BEND4: variants seen among roughly 807,000 people sequenced by gnomAD.
BEND4 encodes the protein BEN domain containing 4.
Under a neutral mutation model 54.7 loss-of-function variants are expected in BEND4, and 27 were observed. That is an observed-to-expected ratio of 0.49 (90% CI 0.36 to 0.68). BEND4 has a LOEUF of 0.68. BEND4 is among the 30% of genes least tolerant of loss of function. The pLI is 0.00. For synonymous variants in BEND4, 327 were observed against 299.5 expected, an observed-to-expected ratio of 1.09 and a Z score of -0.95; for missense variants, 702 against 697.2, an observed-to-expected ratio of 1.01 and a Z score of -0.08.
At chr4:42,136,396 C>T (rs1360302059) in intron 3 of BEND4, among the ~76,000 whole-genome samples, 1 of 152,226 alleles carries the variant, frequency 6.6e-6, no homozygotes, top group Non-Finnish European at 1.5e-5. Flanking sequence ...GGTTAGTTCT[C>T]TAGTTTGTAG....
At chr4:42,142,926 T>C (rs1720940316) in intron 3 of BEND4, among the ~76,000 whole-genome samples, 1 of 152,176 alleles carries the variant, frequency 6.6e-6, no homozygotes, top group African/African-American at 2.4e-5. Context: ...GAAGAGACCA[T>C]TTCATTTGTT....
At chr4:42,149,884 G>A (rs993112474) in intron 2 of BEND4, among the ~76,000 whole-genome samples, 4 of 151,854 alleles carry the variant, frequency 2.6e-5, no homozygotes, top group East Asian at 1.9e-4. Flanking sequence ...TGAGAAGGGG[G>A]TAAATTTACA....
Position 42,117,576 on chromosome 4 carries a change from T to C in BEND4, c.1547A>G (p.His516Arg). The change falls in exon 6 of 6, where the codon CAC becomes CGC. Residue 516 changes from histidine to arginine, a missense_variant. His to Arg is a conservative substitution (Grantham distance 29, BLOSUM62 0). Transcript: ENST00000502486. The part of the protein sequence containing the change: ...NGGSFYEGID[H>R]QASQDEVFNK... ...GAAGACTTCATCCTGAGAAGCCTGG[T>C]GATCGATCCCTTCATAAAATGAGCC... is the stretch of plus-strand genomic sequence containing the variant. 1 of 1,613,282 alleles carries C rather than the reference T, an allele frequency of 6.2e-7. No homozygotes were observed. The highest frequency in any genetic ancestry group is 8.5e-7 in the Non-Finnish European group (1 of 1,179,634).
chr4:42,151,452 G>A (rs1721277759), intron 2 of BEND4: 1 of 413,092 alleles, frequency 2.4e-6, no homozygotes, highest in African/African-American at 2.1e-5. Context: ...CACCTGTTAG[G>A]CGCGCGCCGT....
At chr4:42,130,064 A>C (rs1452136286) in intron 3 of BEND4, among the ~76,000 whole-genome samples, 2 of 152,216 alleles carry the variant, frequency 1.3e-5, no homozygotes, top group Admixed American at 6.5e-5. Flanking sequence ...AGAAAAACAA[A>C]CAACCCCATT....
chr4:42,128,672 C>T (rs1720386992), intron 3 of BEND4, among the ~76,000 whole-genome samples: 1 of 151,868 alleles, frequency 6.6e-6, no homozygotes, highest in Non-Finnish European at 1.5e-5. Context: ...TGCCATTAAG[C>T]AAGAGAAAGA....
chr4:42,144,583 T>C (rs1231962174), intron 2 of BEND4, among the ~76,000 whole-genome samples: 1 of 152,260 alleles, frequency 6.6e-6, no homozygotes, highest in African/African-American at 2.4e-5. Context: ...TGTATGTGTC[T>C]TCTAACATCA....
chr4:42,116,520 A>G lies in BEND4; in HGVS notation c.*998T>C, dbSNP rs1454590960. 6.6e-6 allele frequency: 1 copy of G among 152,216 alleles called. No individual in the cohort carries two copies. The highest frequency in any genetic ancestry group is 1.5e-5 in the Non-Finnish European group (1 of 68,028). The allele number at this position is 152,216 out of a possible 1,614,324, so 9.4% of individuals were successfully genotyped here. ...GGGAAACAAGTTTCATACAAATTCTAAAGATCAGCTCAGCAGAGAAAGACC... is the reference window on the plus strand; with the variant it reads ...GGGAAACAAGTTTCATACAAATTCTGAAGATCAGCTCAGCAGAGAAAGACC... On this transcript the variant is annotated 3_prime_UTR_variant, in exon 6 of 6. Transcript: ENST00000502486.
chr4:42,140,661 C>T (rs961882256), intron 3 of BEND4, among the ~76,000 whole-genome samples: 6 of 152,264 alleles, frequency 3.9e-5, no homozygotes, highest in East Asian at 1.9e-4. Context: ...GCTATGGGTT[C>T]GGTAAGTGAG....
chr4:42,128,395 A>G (rs1198761881), intron 3 of BEND4, among the ~76,000 whole-genome samples: 1 of 152,152 alleles, frequency 6.6e-6, no homozygotes, highest in Non-Finnish European at 1.5e-5. Context: ...AGCCCAAGGC[A>G]GGCCGATCAC....
intron 4 of BEND4, among the ~76,000 whole-genome samples, chr4:42,123,686 G>C (rs1720146254): frequency 1.7e-5 from 1 of 58,760 alleles, no homozygotes; most frequent in Non-Finnish European, 2.8e-5. Context: ...CTTTGGATCT[G>C]TAATTCAGAA....
In BEND4 at chr4:42,115,160, G is replaced by C. The variant is rs1719750599; in HGVS notation, c.*2358C>G. 1 of 152,248 alleles carries C rather than the reference G, an allele frequency of 6.6e-6. No individual in the cohort carries two copies. Among genetic ancestry groups the C allele is most frequent in the Non-Finnish European group, 1.5e-5 (1 of 68,088 alleles). 9.4% of individuals were successfully genotyped at this position (152,248 alleles called of 1,614,324 possible). On this transcript the variant is annotated 3_prime_UTR_variant, in exon 6 of 6. Coordinates refer to ENST00000502486, the MANE Select transcript of BEND4 (RefSeq NM_207406.4). The stretch of plus-strand genomic sequence containing the variant: ...ATTAGTCTCAACATTCAGAATCTGT[G>C]GATGGAGAAACAGCTGATAGAGAAA...
chr4:42,119,984 C>T (rs777696495), intron 5 of BEND4, 70 bp downstream of exon 5: 61 of 1,587,986 alleles, frequency 3.8e-5, no homozygotes, highest in Non-Finnish European at 5.0e-5. Flanking sequence ...AACACTTGTA[C>T]GGGGAGAGCC....
chr4:42,128,093 C>A (rs1233176251), intron 3 of BEND4, among the ~76,000 whole-genome samples: 5 of 152,100 alleles, frequency 3.3e-5, no homozygotes, highest in African/African-American at 1.2e-4. Context: ...TCCAGCATTT[C>A]AGGGCTGCAA....
Position 42,151,646 on chromosome 4 carries a change from A to G in BEND4, c.487+11T>C, listed in dbSNP as rs1347725222. The G allele has an allele frequency of 8.4e-6, 12 of 1,433,498 alleles. No individual in the cohort carries two copies. The highest frequency in any genetic ancestry group is 1.1e-5 in the Non-Finnish European group (12 of 1,097,990). The allele number at this position is 1,433,498 out of a possible 1,614,324, so 88.8% of individuals were successfully genotyped here. The stretch of plus-strand genomic sequence containing the variant: ...CGTGGCGGGAAGGAAAGTTGTGCGG[A>G]GAGTTGGTACCTGCGCTGAGCTCCA... On this transcript the variant is annotated intron_variant, in intron 2 of 5. Transcript: ENST00000502486.
At chr4:42,140,531 A>G (rs1720845694) in intron 3 of BEND4, among the ~76,000 whole-genome samples, 1 of 152,244 alleles carries the variant, frequency 6.6e-6, no homozygotes, top group Admixed American at 6.5e-5. Flanking sequence ...TGTCAATTCA[A>G]TGTTTGATCA....
intron 4 of BEND4, among the ~76,000 whole-genome samples, chr4:42,120,632 A>G (rs944448890): frequency 2.0e-5 from 3 of 152,204 alleles, no homozygotes; most frequent in Non-Finnish European, 4.4e-5. Context: ...TCAATCTATT[A>G]AAATATGCAA....
At chr4:42,133,028 G>T (rs919392189) in intron 3 of BEND4, among the ~76,000 whole-genome samples, 3 of 152,114 alleles carry the variant, frequency 2.0e-5, no homozygotes, top group African/African-American at 7.2e-5. Context: ...TATAATCCTG[G>T]AAACAGTAAA....
rs1327351965 is a variant in BEND4, at chr4:42,114,882, G to C, written c.*2636C>G. 6.6e-6 allele frequency: 1 copy of C among 152,472 alleles called. No homozygotes were observed. Among genetic ancestry groups the C allele is most frequent in the Non-Finnish European group, 1.5e-5 (1 of 68,172 alleles). The allele number at this position is 152,472 out of a possible 1,614,324, so 9.4% of individuals were successfully genotyped here. A position where few individuals can be genotyped will look rare whatever the true frequency, so the allele number is the denominator to read the frequency against. On this transcript the variant is annotated 3_prime_UTR_variant, in exon 6 of 6. Transcript: ENST00000502486. ...TATGTCCCAAGGAGAGGAGCCAGCA[G>C]TGTCCACAGTGATGCTGTATCACGG...
Sources: gnomAD v4.1 joint callset for allele counts (sites outside exome capture counted in the v4.1 genomes callset) on GRCh38, gnomAD v4.1.1 for gene constraint, MANE v1.5 for transcripts, NCBI Gene and HGNC (gene_info 2026-07-23, HGNC 2026-07-21) for gene names.